KHDRBS2: variants seen among roughly 807,000 people sequenced by gnomAD.
KHDRBS2 encodes the protein KH RNA binding domain containing, signal transduction associated 2.
Under a neutral mutation model 44.3 loss-of-function variants are expected in KHDRBS2, and 26 were observed. The observed-to-expected ratio is 0.59, with a 90% CI of 0.43 to 0.81. KHDRBS2 has a LOEUF of 0.81. Ranked by LOEUF, KHDRBS2 falls within the 40% of genes least tolerant of loss-of-function variation. The pLI is 0.00. For synonymous variants in KHDRBS2, 194 were observed against 151.1 expected, an observed-to-expected ratio of 1.28 and a Z score of -2.08; for missense variants, 476 against 433.1, an observed-to-expected ratio of 1.10 and a Z score of -0.88.
chr6:62,142,982 T>C (rs948760275), intron 2 of KHDRBS2, among the ~76,000 whole-genome samples: 1 of 149,234 alleles, frequency 6.7e-6, no homozygotes, highest in African/African-American at 2.6e-5. Context: ...TCATATATAC[T>C]GGAAAACATA....
the KHDRBS2 span, among the ~76,000 whole-genome samples, chr6:61,627,914 G>T: frequency 2.6e-5 from 4 of 152,226 alleles, no homozygotes; most frequent in Admixed American, 2.0e-4. Context: ...ATAGCCGGTT[G>T]GTCCCAAGTA....
the KHDRBS2 span, among the ~76,000 whole-genome samples, chr6:61,647,070 C>T: frequency 1.3e-5 from 2 of 152,024 alleles, no homozygotes; most frequent in Admixed American, 1.3e-4. Context: ...CCACCCGCCT[C>T]GGCCTCCCAA....
chr6:61,573,758 C>T, the KHDRBS2 span, among the ~76,000 whole-genome samples: 6 of 151,140 alleles, frequency 4.0e-5, no homozygotes, highest in African/African-American at 1.5e-4. Flanking sequence ...CACTGCACTC[C>T]AGCCTGGGCA....
chr6:61,617,751 A>G, the KHDRBS2 span, among the ~76,000 whole-genome samples: 1 of 152,140 alleles, frequency 6.6e-6, no homozygotes, highest in Non-Finnish European at 1.5e-5. Flanking sequence ...AATAGCTTAT[A>G]GAAGCACAAA....
intron 7 of KHDRBS2, among the ~76,000 whole-genome samples, chr6:61,725,760 T>C (rs1438594045): frequency 6.6e-6 from 1 of 152,114 alleles, no homozygotes; most frequent in Non-Finnish European, 1.5e-5. Flanking sequence ...ATTTTATGCC[T>C]GAATAGACTA....
chr6:61,794,198 T>C (rs968186046), intron 6 of KHDRBS2, among the ~76,000 whole-genome samples: 2 of 152,236 alleles, frequency 1.3e-5, no homozygotes, highest in East Asian at 1.9e-4. Flanking sequence ...TGATAGACAG[T>C]CAAGAATTCT....
chr6:61,807,605 G>A (rs1204840162), intron 6 of KHDRBS2, among the ~76,000 whole-genome samples: 6 of 151,994 alleles, frequency 3.9e-5, no homozygotes, highest in Non-Finnish European at 7.4e-5. Context: ...TCACAAGTGG[G>A]AGACAAACAA....
chr6:61,626,553 G>A, the KHDRBS2 span, among the ~76,000 whole-genome samples: 457 of 152,250 alleles, frequency 3.0e-3, 4 homozygotes, highest in African/African-American at 0.011. Context: ...TTGGACTTAT[G>A]TATTTTTTGA....
chr6:61,786,763 G>A (rs1783886500), intron 6 of KHDRBS2, among the ~76,000 whole-genome samples: 1 of 151,812 alleles, frequency 6.6e-6, no homozygotes, highest in Non-Finnish European at 1.5e-5. Flanking sequence ...GTTGGTTCAA[G>A]GAGCAGGTGC....
At chr6:61,716,869 G>A (rs1771525409) in intron 7 of KHDRBS2, among the ~76,000 whole-genome samples, 2 of 152,132 alleles carry the variant, frequency 1.3e-5, no homozygotes, top group Middle Eastern at 3.4e-3. Context: ...AATTTAGGAT[G>A]ATCTAATGCT....
At chr6:62,067,245 T>G (rs185627018) in intron 2 of KHDRBS2, among the ~76,000 whole-genome samples, 94 of 151,670 alleles carry the variant, frequency 6.2e-4, no homozygotes, top group African/African-American at 2.2e-3. Context: ...CCAAATTTCT[T>G]AATACCCATT....
chr6:61,715,817 T>A (rs1771312892), intron 7 of KHDRBS2, among the ~76,000 whole-genome samples: 1 of 151,942 alleles, frequency 6.6e-6, no homozygotes, highest in Non-Finnish European at 1.5e-5. Context: ...TCTATCTTGA[T>A]TATTTTGTGT....
chr6:61,545,404 G>A, the KHDRBS2 span, among the ~76,000 whole-genome samples: 15 of 152,064 alleles, frequency 9.9e-5, no homozygotes, highest in African/African-American at 3.6e-4. Flanking sequence ...TGGATCCTCT[G>A]CTTCAACATG....
chr6:62,027,361 T>C (rs2127287912), intron 3 of KHDRBS2, among the ~76,000 whole-genome samples: 1 of 152,222 alleles, frequency 6.6e-6, no homozygotes, highest in Non-Finnish European at 1.5e-5. Context: ...GTAAGAAATA[T>C]ATATTTGATC....
intron 1 of KHDRBS2, among the ~76,000 whole-genome samples, chr6:62,197,813 C>G: frequency 6.6e-6 from 1 of 152,126 alleles, no homozygotes; most frequent in Non-Finnish European, 1.5e-5. Context: ...CACACCTATT[C>G]CAAAATTGAC....
the KHDRBS2 span, among the ~76,000 whole-genome samples, chr6:61,657,805 G>T: frequency 1.3e-5 from 2 of 151,890 alleles, no homozygotes; most frequent in Admixed American, 6.6e-5. Flanking sequence ...TTTTCCACCT[G>T]TCCTTCCTTC....
intron 1 of KHDRBS2, among the ~76,000 whole-genome samples, chr6:62,234,210 T>A (rs1833339061): frequency 6.6e-6 from 1 of 152,118 alleles, no homozygotes; most frequent in Non-Finnish European, 1.5e-5. Flanking sequence ...TCTCCCAAAC[T>A]AGCACCTACG....
Position 62,073,150 on chromosome 6 carries a change from C to A in KHDRBS2, c.220-25156G>T, listed in dbSNP as rs181932983. On this transcript the variant is annotated intron_variant, in intron 2 of 8. Coordinates refer to ENST00000281156, the MANE Select transcript of KHDRBS2 (RefSeq NM_152688.4). ...AAGATTATGAACATTTTATTTAATT[C>A]TTTCTTTGAATGGTAAAACTCATTA... Among the ~76,000 whole-genome samples the A allele has an allele frequency of 1.5e-3, 235 of 151,936 alleles. 3 individuals carry two copies. The highest frequency in any genetic ancestry group is 2.6e-3 in the Non-Finnish European group (174 of 67,874).
chr6:61,995,055 T>C (rs1297670244), intron 3 of KHDRBS2, among the ~76,000 whole-genome samples: 3 of 152,150 alleles, frequency 2.0e-5, no homozygotes, highest in African/African-American at 2.4e-5. Flanking sequence ...GACAACTATA[T>C]AGGGCTTTGT....
Sources: gnomAD v4.1 joint callset for allele counts (sites outside exome capture counted in the v4.1 genomes callset) on GRCh38, gnomAD v4.1.1 for gene constraint, MANE v1.5 for transcripts, NCBI Gene and HGNC (gene_info 2026-07-23, HGNC 2026-07-21) for gene names.